The following THSD4 variants were observed in gnomAD, a reference collection of about 807,000 sequenced individuals.
THSD4 encodes the protein thrombospondin type-1 domain-containing protein 4.
Under a neutral mutation model 119.0 loss-of-function variants are expected in THSD4, and 69 were observed. The ratio of observed to expected loss-of-function variants is 0.58; its 90% CI spans 0.48 to 0.71. THSD4 has a LOEUF of 0.71. Among genes scored for constraint, THSD4 ranks in the 30% least tolerant of loss-of-function variants. THSD4 has a pLI of 0.00. For missense variants in THSD4, 1,393 were observed against 1,391.1 expected (o/e 1.00, Z -0.02); for synonymous variants, 524 against 540.4 (o/e 0.97, Z 0.42).
At chr15:71,687,255 T>A (rs2051930523) in intron 8 of THSD4, among the ~76,000 whole-genome samples, 1 of 152,244 alleles carries the variant, frequency 6.6e-6, no homozygotes, top group South Asian at 2.1e-4. Context: ...CCTCTTAATG[T>A]TGTTAGGTTT....
intron 7 of THSD4, among the ~76,000 whole-genome samples, chr15:71,648,446 C>G (rs1302274056): frequency 6.6e-6 from 1 of 152,218 alleles, no homozygotes; most frequent in East Asian, 1.9e-4. Flanking sequence ...AAAATAATCC[C>G]TTTCCAGTTT....
chr15:71,427,406 ATAT>A (rs928223538), intron 7 of THSD4, among the ~76,000 whole-genome samples: 10 of 151,938 alleles, frequency 6.6e-5, no homozygotes, highest in Non-Finnish European at 1.0e-4. Context: ...CATTCAACAA[ATAT>A]TATGATGAAT....
chr15:71,695,846 C>CT (rs11456592), intron 8 of THSD4, among the ~76,000 whole-genome samples: 2,722 of 152,238 alleles, frequency 0.018, 78 homozygotes, highest in African/African-American at 0.063. Flanking sequence ...TGCTTCCCAT[C>CT]TATACAATGA....
intron 14 of THSD4, among the ~76,000 whole-genome samples, chr15:71,752,576 A>C (rs574648782): frequency 6.6e-6 from 1 of 152,190 alleles, no homozygotes; most frequent in Non-Finnish European, 1.5e-5. Context: ...AGGGAGTACT[A>C]TTGGGTTTAA....
chr15:71,405,379 A>G (rs1416074714), intron 6 of THSD4, among the ~76,000 whole-genome samples: 4 of 152,214 alleles, frequency 2.6e-5, no homozygotes, highest in Non-Finnish European at 4.4e-5. Context: ...AGGAACTGCC[A>G]TATATTTTAG....
rs2043923099 is a variant in THSD4, at chr15:71,215,294, AGACGCCAGCGCTGGCCGGTACG to A, written c.369_390del (p.Leu124AlafsTer117). 2.0e-6 allele frequency: 3 copies of A among 1,522,882 alleles called. No individual in the cohort carries two copies. Among genetic ancestry groups the A allele is most frequent in the African/African-American group, 2.8e-5 (2 of 71,516 alleles). 94.3% of individuals were successfully genotyped at this position (1,522,882 alleles called of 1,614,324 possible). ...GTGCCACTGCACCGGAGCCGCGACG[AGACGCCAGCGCTGGCCGGTACG>A]GACGCCAGCCGCCAGGGCCCCACGG... On this transcript the variant is annotated frameshift_variant, in exon 4 of 18. Coordinates refer to ENST00000261862, the MANE Select transcript of THSD4 (RefSeq NM_024817.3). LOFTEE classifies it high-confidence loss of function.
intron 6 of THSD4, among the ~76,000 whole-genome samples, chr15:71,400,393 C>G (rs1317188977): frequency 1.3e-5 from 2 of 152,198 alleles, no homozygotes; most frequent in Admixed American, 6.5e-5. Context: ...CTCTGAGAAT[C>G]ATTCTCCTCA....
intron 14 of THSD4, among the ~76,000 whole-genome samples, chr15:71,756,538 T>A (rs1476210669): frequency 6.6e-6 from 1 of 152,190 alleles, no homozygotes; most frequent in East Asian, 1.9e-4. Flanking sequence ...ATCCCAGCAC[T>A]TTGGGAGGCC....
At chr15:71,152,561 G>A (rs546404591) in intron 2 of THSD4, among the ~76,000 whole-genome samples, 1 of 152,234 alleles carries the variant, frequency 6.6e-6, no homozygotes, top group African/African-American at 2.4e-5. Context: ...GGGAAGAGGC[G>A]GCTTGGTTGG....
Position 71,745,099 on chromosome 15 carries a change from G to A in THSD4, c.1907-7G>A. ...ACTGTCCTTCAGACATTCTCCTGTT[G>A]TTGCAGGATCGCAGTACCCTATTTT... On this transcript the variant is annotated splice_polypyrimidine_tract_variant and splice_region_variant and intron_variant, in intron 11 of 17. Transcript: ENST00000261862. The A allele has an allele frequency of 2.5e-6, 4 of 1,609,050 alleles. No individual in the cohort carries two copies. Among genetic ancestry groups the A allele is most frequent in the Non-Finnish European group, 3.4e-6 (4 of 1,177,752 alleles).
intron 9 of THSD4, chr15:71,730,289 T>G (rs772531303): frequency 6.6e-6 from 1 of 152,150 alleles, no homozygotes; most frequent in Non-Finnish European, 1.5e-5. Flanking sequence ...CGACCGTGTC[T>G]CCTTGCACGG....
At chr15:71,240,762 A>G (rs569673349) in intron 4 of THSD4, among the ~76,000 whole-genome samples, 1 of 152,000 alleles carries the variant, frequency 6.6e-6, no homozygotes, top group African/African-American at 2.4e-5. Flanking sequence ...AAGAAAGAAA[A>G]AGGCAAATTA....
intron 7 of THSD4, among the ~76,000 whole-genome samples, chr15:71,451,102 C>T (rs1472687405): frequency 2.0e-5 from 3 of 152,050 alleles, no homozygotes; most frequent in African/African-American, 7.2e-5. Context: ...CACTTAAACC[C>T]GGGAGGCAGA....
intron 8 of THSD4, among the ~76,000 whole-genome samples, chr15:71,662,643 G>A (rs1382802683): frequency 6.6e-6 from 1 of 152,022 alleles, no homozygotes; most frequent in East Asian, 1.9e-4. Flanking sequence ...TTTTCAAGCT[G>A]TGCCCCCTGA....
intron 6 of THSD4, among the ~76,000 whole-genome samples, chr15:71,309,549 G>T (rs2045082348): frequency 6.6e-6 from 1 of 152,106 alleles, no homozygotes; most frequent in East Asian, 1.9e-4. Flanking sequence ...TACATTTGAT[G>T]TCCTATTTGA....
Position 71,411,777 on chromosome 15 carries a change from C to A in THSD4, c.1106C>A (p.Pro369His). The change falls in exon 7 of 18, where the codon CCC (proline) becomes CAC (histidine). Residue 369 changes from proline (P) to histidine (H), a missense_variant. Pro to His is a moderately conservative substitution (Grantham distance 77, BLOSUM62 -2). Coordinates refer to ENST00000261862, the MANE Select transcript of THSD4 (RefSeq NM_024817.3). ...RQAEKVIDGT[P>H]CDQNGTAICV... ...GCTGAGAAAGTCATCGATGGCACCC[C>A]CTGTGACCAGAACGGCACGGCCATC... 1.9e-6 allele frequency: 3 copies of A among 1,614,128 alleles called. No homozygotes were observed. Among genetic ancestry groups the A allele is most frequent in the East Asian group, 2.2e-5 (1 of 44,874 alleles).
chr15:71,518,544 C>T (rs961700300), intron 7 of THSD4, among the ~76,000 whole-genome samples: 2 of 152,076 alleles, frequency 1.3e-5, no homozygotes, highest in Non-Finnish European at 2.9e-5. Context: ...TTTATGTTAT[C>T]CTCTGGATAA....
intron 7 of THSD4, among the ~76,000 whole-genome samples, chr15:71,494,178 G>T (rs12910297): frequency 0.51 from 77,285 of 152,076 alleles, 21,851 homozygotes; most frequent in East Asian, 0.83. Flanking sequence ...AATTTAGGAA[G>T]AACTATTTTT....
chr15:71,372,945 G>T (rs576287395), intron 6 of THSD4, among the ~76,000 whole-genome samples: 2 of 152,352 alleles, frequency 1.3e-5, no homozygotes, highest in East Asian at 3.9e-4. Context: ...CTTCCTGGCT[G>T]CTTTGTTTAC....
Sources: gnomAD v4.1 joint callset for allele counts (sites outside exome capture counted in the v4.1 genomes callset) on GRCh38, gnomAD v4.1.1 for gene constraint, MANE v1.5 for transcripts, NCBI Gene and HGNC (gene_info 2026-07-23, HGNC 2026-07-21) for gene names.